DISC1: variants seen among roughly 807,000 people sequenced by gnomAD.
The protein encoded by DISC1 is DISC1 scaffold protein, also known as disrupted in schizophrenia 1 protein.
Under a neutral mutation model 84.5 loss-of-function variants are expected in DISC1, and 57 were observed. The ratio of observed to expected loss-of-function variants is 0.67; its 90% CI spans 0.55 to 0.84. The LOEUF (loss-of-function observed/expected upper bound fraction) is 0.84, where lower values mean the gene tolerates loss of function less well. DISC1 is among the 40% of genes least tolerant of loss of function. The pLI is 0.00. For synonymous variants in DISC1, 411 were observed against 415.2 expected (o/e 0.99, Z 0.12); for missense variants, 1,000 against 1,057.8 (o/e 0.95, Z 0.76).
intron 9 of DISC1, among the ~76,000 whole-genome samples, chr1:231,868,622 G>A (rs974442915): frequency 6.7e-6 from 1 of 150,212 alleles, no homozygotes; most frequent in African/African-American, 2.4e-5. Context: ...CACTTTGGGA[G>A]GCTGACGTGG....
chr1:231,952,266 A>G (rs1471988902), intron 9 of DISC1, among the ~76,000 whole-genome samples: 1 of 152,194 alleles, frequency 6.6e-6, no homozygotes. Context: ...ACATCTTATC[A>G]ACATCAGAGA....
intron 10 of DISC1, among the ~76,000 whole-genome samples, chr1:231,971,917 A>G (rs1662014122): frequency 6.6e-6 from 1 of 152,236 alleles, no homozygotes; most frequent in African/African-American, 2.4e-5. Context: ...GGACTAAGAA[A>G]AAGAAGAGAA....
At chr1:231,712,147 A>T (rs905608075) in intron 3 of DISC1, among the ~76,000 whole-genome samples, 1 of 152,214 alleles carries the variant, frequency 6.6e-6, no homozygotes, top group African/African-American at 2.4e-5. Context: ...GCTGGAAGAG[A>T]CAAGGACAGG....
intron 7 of DISC1, among the ~76,000 whole-genome samples, chr1:231,796,430 C>G (rs1190896403): frequency 3.4e-5 from 5 of 148,984 alleles, no homozygotes; most frequent in Non-Finnish European, 7.5e-5. Context: ...CTTCCGGTCT[C>G]TGTGCCCAGA....
intron 3 of DISC1, chr1:231,720,947 G>A: frequency 2.3e-6 from 3 of 1,290,934 alleles, no homozygotes; most frequent in Non-Finnish European, 3.0e-6. Context: ...ACCTCTGCAG[G>A]AAGTCACTGG....
chr1:231,692,295 C>T (rs7416743), intron 1 of DISC1, among the ~76,000 whole-genome samples: 15,495 of 152,186 alleles, frequency 0.1, 1,729 homozygotes, highest in African/African-American at 0.28. Context: ...TGCAAGCTTC[C>T]GGAATTCTTT....
At chr1:231,817,296 G>A (rs575482406) in intron 8 of DISC1, among the ~76,000 whole-genome samples, 29 of 152,240 alleles carry the variant, frequency 1.9e-4, no homozygotes, top group African/African-American at 5.8e-4. Flanking sequence ...TGTTGGCCAG[G>A]CTGGTCTTGA....
At chr1:231,688,582 G>A (rs1369602058) in intron 1 of DISC1, among the ~76,000 whole-genome samples, 1 of 152,194 alleles carries the variant, frequency 6.6e-6, no homozygotes, top group African/African-American at 2.4e-5. Context: ...TGGAGCTCAT[G>A]GGAGGCCTTA....
intron 1 of DISC1, among the ~76,000 whole-genome samples, chr1:231,668,348 A>G (rs995485606): frequency 3.9e-5 from 6 of 152,174 alleles, no homozygotes; most frequent in Admixed American, 2.0e-4. Context: ...TAAGCTTTAG[A>G]TATTATAACA....
intron 6 of DISC1, among the ~76,000 whole-genome samples, chr1:231,779,605 G>A (rs928796257): frequency 1.4e-5 from 2 of 139,598 alleles, no homozygotes; most frequent in African/African-American, 5.5e-5. Context: ...CTGTCGCCCA[G>A]GCTGCAGTGC....
At chr1:231,879,197 G>A (rs1443452962) in intron 9 of DISC1, among the ~76,000 whole-genome samples, 3 of 151,760 alleles carry the variant, frequency 2.0e-5, no homozygotes, top group Non-Finnish European at 4.4e-5. Flanking sequence ...TTTCCTTTGA[G>A]CGTCATGTCA....
At chr1:231,778,356 C>T (rs2077119548) in intron 6 of DISC1, among the ~76,000 whole-genome samples, 1 of 152,198 alleles carries the variant, frequency 6.6e-6, no homozygotes, top group African/African-American at 2.4e-5. Flanking sequence ...CAATACTTTG[C>T]ACTTTAGTAT....
chr1:232,035,078 T>G (rs1670393863), intron 12 of DISC1, among the ~76,000 whole-genome samples: 1 of 151,982 alleles, frequency 6.6e-6, no homozygotes, highest in African/African-American at 2.4e-5. Flanking sequence ...TGCCAGAACT[T>G]TTCAGGGTGG....
At chr1:231,855,246 G>T in intron 9 of DISC1, 9 of 978,942 alleles carry the variant, frequency 9.2e-6, no homozygotes, top group Non-Finnish European at 8.5e-6. Context: ...GTACTGTAAA[G>T]AATCACAAGA....
At chr1:231,882,166 G>T (rs2086335111) in intron 9 of DISC1, among the ~76,000 whole-genome samples, 1 of 152,182 alleles carries the variant, frequency 6.6e-6, no homozygotes, top group African/African-American at 2.4e-5. Flanking sequence ...TAACTTTTGG[G>T]TGAATGCACT....
intron 9 of DISC1, among the ~76,000 whole-genome samples, chr1:231,918,493 T>G (rs2089792298): frequency 6.6e-6 from 1 of 152,226 alleles, no homozygotes; most frequent in Admixed American, 6.5e-5. Flanking sequence ...GCATTCCAAT[T>G]AAATGAGATG....
chr1:231,995,901 C>T (rs1455048486), intron 10 of DISC1, among the ~76,000 whole-genome samples: 1 of 151,588 alleles, frequency 6.6e-6, no homozygotes, highest in Non-Finnish European at 1.5e-5. Flanking sequence ...TTCTAGATCC[C>T]TGAGGAATCG....
At chr1:231,741,508 A>G (rs777325659) in intron 3 of DISC1, among the ~76,000 whole-genome samples, 4 of 152,252 alleles carry the variant, frequency 2.6e-5, no homozygotes, top group Non-Finnish European at 5.9e-5. Flanking sequence ...TCCCAGGTGC[A>G]GGTCACTATA....
intron 9 of DISC1, among the ~76,000 whole-genome samples, chr1:231,957,917 C>T (rs886158123): frequency 2.6e-5 from 4 of 152,180 alleles, no homozygotes; most frequent in East Asian, 1.9e-4. Flanking sequence ...TGTGTTTCCA[C>T]ATTCTCCAAC....
Sources: allele counts gnomAD v4.1 joint callset (sites outside exome capture counted in the v4.1 genomes callset), GRCh38; gene constraint gnomAD v4.1.1; transcripts MANE v1.5; gene names NCBI Gene and HGNC (gene_info 2026-07-23, HGNC 2026-07-21).